Variants in FANCC observed in about 807,000 individuals in gnomAD.
The protein encoded by FANCC is FA complementation group C.
A neutral mutation model predicts 71.3 loss-of-function variants in FANCC; 55 were observed. The observed-to-expected ratio is 0.77, with a 90% CI of 0.62 to 0.97. FANCC has a LOEUF of 0.97. Ranked by LOEUF, FANCC falls within the 50% of genes least tolerant of loss-of-function variation. FANCC has a pLI of 0.00. For synonymous variants in FANCC, 275 were observed against 244.9 expected (o/e 1.12, Z -1.15); for missense variants, 678 against 670.9 (o/e 1.01, Z -0.12).
At chr9:95,143,142 T>C (rs985086140) in intron 7 of FANCC, among the ~76,000 whole-genome samples, 2 of 152,198 alleles carry the variant, frequency 1.3e-5, no homozygotes, top group Middle Eastern at 3.2e-3. Context: ...TTACTTGCCA[T>C]TACCAATTTA....
At chr9:95,284,341 T>C (rs1290130211) in intron 1 of FANCC, among the ~76,000 whole-genome samples, 1 of 152,184 alleles carries the variant, frequency 6.6e-6, no homozygotes, top group Admixed American at 6.5e-5. Flanking sequence ...ACATTCACAA[T>C]ATGTTAATAT....
At chr9:95,267,521 A>T (rs1832450284) in intron 1 of FANCC, among the ~76,000 whole-genome samples, 1 of 152,214 alleles carries the variant, frequency 6.6e-6, no homozygotes, top group Non-Finnish European at 1.5e-5. Flanking sequence ...TTAAAACCTC[A>T]TTCAAAACAT....
intron 1 of FANCC, among the ~76,000 whole-genome samples, chr9:95,266,630 A>G (rs1041238043): frequency 2.6e-5 from 4 of 152,232 alleles, no homozygotes; most frequent in Non-Finnish European, 5.9e-5. Flanking sequence ...GCAGGCATTT[A>G]GGTGTGTGGA....
intron 6 of FANCC, among the ~76,000 whole-genome samples, chr9:95,154,366 C>T (rs1172353070): frequency 1.3e-5 from 2 of 150,428 alleles, no homozygotes; most frequent in Non-Finnish European, 3.0e-5. Flanking sequence ...CTTTGGAGAA[C>T]AACTGGTAGC....
intron 4 of FANCC, among the ~76,000 whole-genome samples, chr9:95,197,425 A>G (rs1232866926): frequency 6.6e-6 from 1 of 152,106 alleles, no homozygotes; most frequent in Non-Finnish European, 1.5e-5. Context: ...TGTAGTCCCA[A>G]CTACTTGAGA....
chr9:95,294,601 G>C (rs1424771157), intron 1 of FANCC: 2 of 1,556,930 alleles, frequency 1.3e-6, no homozygotes, highest in Non-Finnish European at 1.8e-6. Context: ...ACCTGCTCTA[G>C]AAAGCAAAGT....
At chr9:95,269,874 T>G (rs1832621520) in intron 1 of FANCC, among the ~76,000 whole-genome samples, 1 of 151,826 alleles carries the variant, frequency 6.6e-6, no homozygotes, top group African/African-American at 2.4e-5. Flanking sequence ...GAGAAAGAAA[T>G]AAGGGGACCC....
intron 4 of FANCC, 130 bp downstream of exon 4, chr9:95,240,519 A>AG: frequency 1.5e-6 from 1 of 667,490 alleles, no homozygotes; most frequent in Non-Finnish European, 2.7e-6. Flanking sequence ...GTAACAGTGA[A>AG]GGGTATGTTT....
chr9:95,254,530 G>C (rs1831541466), intron 1 of FANCC, among the ~76,000 whole-genome samples: 1 of 152,196 alleles, frequency 6.6e-6, no homozygotes, highest in South Asian at 2.1e-4. Context: ...GTGCCGTGAG[G>C]AATGGTGCAT....
intron 4 of FANCC, among the ~76,000 whole-genome samples, chr9:95,195,024 C>A (rs983876861): frequency 2.0e-5 from 3 of 151,850 alleles, no homozygotes; most frequent in Non-Finnish European, 4.4e-5. Flanking sequence ...ATGGTGAAAC[C>A]CCGTCTCTAC....
At chr9:95,166,107 C>T (rs1831051312) in intron 6 of FANCC, among the ~76,000 whole-genome samples, 1 of 151,948 alleles carries the variant, frequency 6.6e-6, no homozygotes, top group African/African-American at 2.4e-5. Context: ...TTTTCATTTT[C>T]AGCCTATGTA....
chr9:95,180,314 G>GC (rs1588235056), intron 4 of FANCC, among the ~76,000 whole-genome samples: 1 of 147,208 alleles, frequency 6.8e-6, no homozygotes. Context: ...TGAAGGACCT[G>GC]CCTAAAGCTG....
intron 1 of FANCC, among the ~76,000 whole-genome samples, chr9:95,295,270 T>C (rs1232612159): frequency 6.6e-6 from 1 of 151,874 alleles, no homozygotes; most frequent in Non-Finnish European, 1.5e-5. Flanking sequence ...TGGGAGAAAA[T>C]ATTTGCAAAC....
chr9:95,137,288 T>G (rs1459641409), intron 7 of FANCC, among the ~76,000 whole-genome samples: 2 of 152,030 alleles, frequency 1.3e-5, no homozygotes, highest in Non-Finnish European at 2.9e-5. Context: ...CCTGCAGACC[T>G]TGTCCAGGGT....
Position 95,101,780 on chromosome 9 carries a change from C to T in FANCC, c.1604G>A (p.Arg535His), listed in dbSNP as rs587779902. The T allele has an allele frequency of 1.9e-5, 30 of 1,614,024 alleles. No homozygotes were observed. The highest frequency in any genetic ancestry group is 6.7e-5 in the African/African-American group (5 of 74,932). The change falls in exon 15 of 15, where the codon CGT becomes CAT. Residue 535 changes from arginine to histidine, a missense_variant. By Grantham distance (29) the Arg-to-His change is conservative. Transcript: ENST00000289081. ...FLDQTLYRWNRLGIESPRSEK... is the reference protein window; with the variant it reads ...FLDQTLYRWNHLGIESPRSEK... ...TGATCTAGGGCTTTCAATGCCAAGACGATTCCATCTGTACAAGGTCTGGTC... is the reference window on the plus strand; with the variant it reads ...TGATCTAGGGCTTTCAATGCCAAGATGATTCCATCTGTACAAGGTCTGGTC...
intron 7 of FANCC, among the ~76,000 whole-genome samples, chr9:95,147,079 GATT>G (rs1159843586): frequency 6.7e-6 from 1 of 150,296 alleles, no homozygotes; most frequent in Non-Finnish European, 1.5e-5. Flanking sequence ...ATATATTTTA[GATT>G]ATTATTTTGG....
intron 1 of FANCC, among the ~76,000 whole-genome samples, chr9:95,296,639 G>C (rs1415358818): frequency 6.6e-6 from 1 of 152,102 alleles, no homozygotes; most frequent in African/African-American, 2.4e-5. Flanking sequence ...ACAGAAAGTG[G>C]AGAAAAGGCA....
intron 6 of FANCC, among the ~76,000 whole-genome samples, chr9:95,161,301 A>C (rs769917735): frequency 6.6e-6 from 1 of 152,218 alleles, no homozygotes; most frequent in Non-Finnish European, 1.5e-5. Context: ...TGGAAGGAGA[A>C]GCCAGCCCGA....
At chr9:95,258,534 G>A (rs569319994) in intron 1 of FANCC, among the ~76,000 whole-genome samples, 35 of 152,148 alleles carry the variant, frequency 2.3e-4, no homozygotes, top group South Asian at 1.0e-3. Flanking sequence ...TTGATGGAAC[G>A]TATCTCAAAA....
Sources: gnomAD v4.1 joint callset for allele counts (sites outside exome capture counted in the v4.1 genomes callset) on GRCh38, gnomAD v4.1.1 for gene constraint, MANE v1.5 for transcripts, NCBI Gene and HGNC (gene_info 2026-07-23, HGNC 2026-07-21) for gene names.